The following MYO5B variants were observed in gnomAD, a reference collection of about 807,000 sequenced individuals.
The protein encoded by MYO5B is myosin VB, also known as unconventional myosin-Vb.
A neutral mutation model predicts 229.3 loss-of-function variants in MYO5B; 143 were observed. That is an observed-to-expected ratio of 0.62 (90% CI 0.54 to 0.72). The LOEUF (loss-of-function observed/expected upper bound fraction) is 0.72, where lower values mean the gene tolerates loss of function less well. Among genes scored for constraint, MYO5B ranks in the 30% least tolerant of loss-of-function variants. The probability of loss-of-function intolerance (pLI) is 0.00; values close to 1 mark genes in which losing one functional copy is unlikely to be tolerated. For missense variants in MYO5B, 2,321 were observed against 2,331.0 expected (o/e 1.00, Z 0.09); for synonymous variants, 918 against 885.2 (o/e 1.04, Z -0.66).
intron 1 of MYO5B, among the ~76,000 whole-genome samples, chr18:50,132,973 GA>G (rs1055494116): frequency 5.9e-5 from 9 of 152,174 alleles, no homozygotes; most frequent in African/African-American, 1.9e-4. Flanking sequence ...GTGGGAGGGG[GA>G]AATTTTTTTC....
At chr18:50,177,942 T>C (rs1035656753) in intron 1 of MYO5B, among the ~76,000 whole-genome samples, 7 of 152,210 alleles carry the variant, frequency 4.6e-5, no homozygotes, top group Admixed American at 6.5e-5. Flanking sequence ...TCTTGTCATC[T>C]CCAAAGGCAA....
At position 50,155,053 on chromosome 18, in the gene MYO5B, G is replaced by A. The variant is rs1000270362; in HGVS notation, c.27+39714C>T. Among the ~76,000 whole-genome samples, 12 of 152,254 alleles carry A rather than the reference G, an allele frequency of 7.9e-5. No homozygotes were observed. The South Asian group carries it at 1.7e-3, about 21-fold the overall frequency. ...ACTCTTCTTCTAGTGGTTTTAACTC[G>A]GACAAATTTGAAAAATAGCTGTTAA... On this transcript the variant is annotated intron_variant, in intron 1 of 39. Transcript: ENST00000285039.
intron 18 of MYO5B, among the ~76,000 whole-genome samples, chr18:49,909,835 G>A (rs569489058): frequency 2.0e-5 from 3 of 152,278 alleles, no homozygotes; most frequent in African/African-American, 7.2e-5. Context: ...GCAGGCAGAG[G>A]AAACAGCATG....
intron 10 of MYO5B, among the ~76,000 whole-genome samples, chr18:49,973,450 C>T (rs186382739): frequency 3.2e-4 from 48 of 152,278 alleles, no homozygotes; most frequent in Admixed American, 7.8e-4. Flanking sequence ...ACTGTTCTTA[C>T]GACGCTTCAC....
chr18:50,033,623 G>A (rs1190646651), intron 4 of MYO5B, among the ~76,000 whole-genome samples: 2 of 152,204 alleles, frequency 1.3e-5, no homozygotes, highest in African/African-American at 2.4e-5. Flanking sequence ...GTAAAAATGA[G>A]TGAGTGGGCC....
intron 16 of MYO5B, among the ~76,000 whole-genome samples, chr18:49,931,841 G>A (rs1220123631): frequency 6.6e-6 from 1 of 152,168 alleles, no homozygotes; most frequent in Non-Finnish European, 1.5e-5. Flanking sequence ...CTGTGCTTTG[G>A]AAAAGGCATC....
At chr18:50,060,405 A>T (rs2030659058) in intron 1 of MYO5B, among the ~76,000 whole-genome samples, 1 of 152,178 alleles carries the variant, frequency 6.6e-6, no homozygotes, top group African/African-American at 2.4e-5. Context: ...AACAAATCTG[A>T]CCACTACCAG....
chr18:49,971,828 C>G (rs2025695351), intron 10 of MYO5B, among the ~76,000 whole-genome samples: 1 of 151,136 alleles, frequency 6.6e-6, no homozygotes, highest in Admixed American at 6.6e-5. Context: ...CATTGAGCTA[C>G]AGAGGAGTAA....
chr18:50,095,308 C>G (rs1460404465), intron 1 of MYO5B, among the ~76,000 whole-genome samples: 1 of 152,206 alleles, frequency 6.6e-6, no homozygotes, highest in Admixed American at 6.5e-5. Flanking sequence ...GCTAGTAATT[C>G]CACCCATGAA....
At chr18:50,130,792 G>A (rs1217047826) in intron 1 of MYO5B, among the ~76,000 whole-genome samples, 2 of 151,934 alleles carry the variant, frequency 1.3e-5, no homozygotes, top group South Asian at 2.1e-4. Context: ...CAAAAGACTC[G>A]TTTTACAAAA....
chr18:49,943,290 A>G (rs1283436715), intron 14 of MYO5B, among the ~76,000 whole-genome samples: 1 of 151,902 alleles, frequency 6.6e-6, no homozygotes, highest in Non-Finnish European at 1.5e-5. Flanking sequence ...TGGGTGCAGC[A>G]CACCAACATG....
rs375607518 is a variant in MYO5B, at chr18:49,872,149, G to A, written c.3603+18C>T. Reference sequence around the variant, plus strand: ...GCCAGGGGAGTGTTCCAGGAAGCCTGTCCCCCAAGAATCTTACCTTCAGAC... The same window carrying A: ...GCCAGGGGAGTGTTCCAGGAAGCCTATCCCCCAAGAATCTTACCTTCAGAC... On this transcript the variant is annotated intron_variant, in intron 27 of 39. Coordinates refer to ENST00000285039, the MANE Select transcript of MYO5B (RefSeq NM_001080467.3). 4.3e-6 allele frequency: 7 copies of A among 1,612,912 alleles called. No homozygotes were observed. In the East Asian group the frequency reaches 1.1e-4, roughly 26 times the overall value.
At chr18:49,844,022 T>C (rs1269922907) in intron 33 of MYO5B, among the ~76,000 whole-genome samples, 1 of 152,154 alleles carries the variant, frequency 6.6e-6, no homozygotes, top group Admixed American at 6.5e-5. Flanking sequence ...GGCATGCATC[T>C]CTCCAGCGGC....
Position 49,841,332 on chromosome 18 carries a change from G to A in MYO5B, c.4701+33C>T, listed in dbSNP as rs750503722. Reference sequence around the variant, plus strand: ...TCTCAACCACATTTGGATGAAGCAGGAATGCCTCCTGGGTGCCTGGCTCCC... The same window carrying A: ...TCTCAACCACATTTGGATGAAGCAGAAATGCCTCCTGGGTGCCTGGCTCCC... On this transcript the variant is annotated intron_variant, in intron 35 of 39. Transcript: ENST00000285039. 13 of 1,597,184 alleles carry A rather than the reference G, an allele frequency of 8.1e-6. No individual in the cohort carries two copies. In the Admixed American group the frequency reaches 2.0e-4, roughly 25 times the overall value.
intron 12 of MYO5B, among the ~76,000 whole-genome samples, chr18:49,955,086 G>A (rs113160472): frequency 6.6e-6 from 1 of 152,120 alleles, no homozygotes; most frequent in African/African-American, 2.4e-5. Context: ...GCCTTACGTT[G>A]CTTATGTGTC....
chr18:50,165,867 AG>A (rs1334991346), intron 1 of MYO5B, among the ~76,000 whole-genome samples: 1 of 152,210 alleles, frequency 6.6e-6, no homozygotes, highest in Non-Finnish European at 1.5e-5. Context: ...CTGGAAAACC[AG>A]GGCTAGATTT....
At chr18:50,112,903 T>G (rs79255852) in intron 1 of MYO5B, among the ~76,000 whole-genome samples, 1 of 152,222 alleles carries the variant, frequency 6.6e-6, no homozygotes, top group Non-Finnish European at 1.5e-5. Context: ...AATAAGACAT[T>G]TGTTAGCACA....
chr18:49,850,011 C>T (rs866330011), intron 31 of MYO5B: 4 of 368,348 alleles, frequency 1.1e-5, no homozygotes, highest in Non-Finnish European at 1.6e-5. Flanking sequence ...CAGGGTGGGG[C>T]GGGCAGCGCC....
At chr18:50,035,373 C>T (rs375633756) in intron 4 of MYO5B, among the ~76,000 whole-genome samples, 95 of 152,330 alleles carry the variant, frequency 6.2e-4, no homozygotes, top group African/African-American at 2.2e-3. Flanking sequence ...CAAGCCACAT[C>T]TACCTTCTCT....
Sources: gnomAD v4.1 joint callset for allele counts (sites outside exome capture counted in the v4.1 genomes callset) on GRCh38, gnomAD v4.1.1 for gene constraint, MANE v1.5 for transcripts, NCBI Gene and HGNC (gene_info 2026-07-23, HGNC 2026-07-21) for gene names.